SLC25A48: variants seen among roughly 807,000 people sequenced by gnomAD.
The protein encoded by SLC25A48 is CTC-321K16.1.
A neutral mutation model predicts 32.2 loss-of-function variants in SLC25A48; 29 were observed. That is an observed-to-expected ratio of 0.90 (90% confidence interval 0.67 to 1.23). The LOEUF (loss-of-function observed/expected upper bound fraction) is 1.23, where lower values mean the gene tolerates loss of function less well. SLC25A48 is among the 50% of genes most tolerant of loss of function. The pLI is 0.00. For synonymous variants in SLC25A48, 164 were observed against 172.3 expected (o/e 0.95, Z 0.38); for missense variants, 399 against 422.7 (o/e 0.94, Z 0.49).
At chr5:135,799,579 G>A (rs1264969575) in intron 3 of SLC25A48, among the ~76,000 whole-genome samples, 1 of 151,474 alleles carries the variant, frequency 6.6e-6, no homozygotes, top group Non-Finnish European at 1.5e-5. Context: ...TATCCAGGTG[G>A]GGATATGTTA....
intron 1 of SLC25A48, among the ~76,000 whole-genome samples, chr5:135,627,449 C>A (rs938945041): frequency 6.6e-6 from 1 of 152,186 alleles, no homozygotes; most frequent in Non-Finnish European, 1.5e-5. Context: ...TTTCCTTTGA[C>A]CTTCGATCCT....
At chr5:135,685,717 C>G (rs937145517) in intron 3 of SLC25A48, among the ~76,000 whole-genome samples, 1 of 152,236 alleles carries the variant, frequency 6.6e-6, no homozygotes, top group Non-Finnish European at 1.5e-5. Flanking sequence ...AGCCACCGCA[C>G]CCAGCCTATG....
chr5:135,885,126 A>G (rs1762668985), intron 7 of SLC25A48, among the ~76,000 whole-genome samples: 1 of 152,252 alleles, frequency 6.6e-6, no homozygotes, highest in African/African-American at 2.4e-5. Flanking sequence ...AAAAAGACAA[A>G]GTTGTTGGGA....
At chr5:135,837,115 G>A (rs1046872772) in intron 1 of SLC25A48, among the ~76,000 whole-genome samples, 3 of 151,998 alleles carry the variant, frequency 2.0e-5, no homozygotes, top group African/African-American at 4.8e-5. Context: ...ATAAGTGGCA[G>A]GGAGATGTTG....
intron 1 of SLC25A48, among the ~76,000 whole-genome samples, chr5:135,600,306 A>G (rs947121341): frequency 7.2e-5 from 11 of 152,214 alleles, no homozygotes; most frequent in Non-Finnish European, 1.5e-4. Flanking sequence ...TCATCCCTAC[A>G]TTCTCGGCTG....
chr5:135,703,372 T>G (rs1487490523), intron 3 of SLC25A48, among the ~76,000 whole-genome samples: 1 of 152,176 alleles, frequency 6.6e-6, no homozygotes, highest in Non-Finnish European at 1.5e-5. Context: ...TCCCTTTTGT[T>G]TGCAGACAAA....
intron 3 of SLC25A48, among the ~76,000 whole-genome samples, chr5:135,741,611 AC>A (rs1386432694): frequency 1.3e-5 from 2 of 152,054 alleles, no homozygotes; most frequent in Non-Finnish European, 2.9e-5. Flanking sequence ...GGTGGCAAAC[AC>A]CCGTAGTCCC....
Position 135,874,166 on chromosome 5 carries a change from G to C in SLC25A48, c.813+12G>C. 1.4e-6 allele frequency: 2 copies of C among 1,439,334 alleles called. No homozygotes were observed. The highest frequency in any genetic ancestry group is 1.8e-6 in the Non-Finnish European group (2 of 1,104,748). 89.2% of individuals were successfully genotyped at this position (1,439,334 alleles called of 1,614,324 possible). ...AGGAAGGTCTTAAAGTAAGCCCACAGCAGGCCTGCGGGGTCAGTGTCAGTC... is the reference window on the plus strand; with the variant it reads ...AGGAAGGTCTTAAAGTAAGCCCACACCAGGCCTGCGGGGTCAGTGTCAGTC... On this transcript the variant is annotated intron_variant, in intron 6 of 7. Transcript: ENST00000681962.
chr5:135,829,405 C>A (rs1758147518), intron 4 of SLC25A48, among the ~76,000 whole-genome samples: 1 of 152,138 alleles, frequency 6.6e-6, no homozygotes, highest in African/African-American at 2.4e-5. Flanking sequence ...GTCCGCAGAG[C>A]CAGCCTCAAC....
intron 7 of SLC25A48, among the ~76,000 whole-genome samples, chr5:135,887,760 C>T (rs1313786912): frequency 6.6e-6 from 1 of 150,928 alleles, no homozygotes; most frequent in Non-Finnish European, 1.5e-5. Flanking sequence ...TCCAGTTTCA[C>T]GCAGGCCATC....
At chr5:135,709,082 C>T (rs1754591183) in intron 3 of SLC25A48, among the ~76,000 whole-genome samples, 1 of 152,308 alleles carries the variant, frequency 6.6e-6, no homozygotes, top group Non-Finnish European at 1.5e-5. Context: ...TTTTGGTTCA[C>T]ATACTAAAAT....
chr5:135,695,439 C>G (rs1433293047), intron 3 of SLC25A48, among the ~76,000 whole-genome samples: 3 of 152,226 alleles, frequency 2.0e-5, no homozygotes, highest in Non-Finnish European at 4.4e-5. Flanking sequence ...TTCCTGGGAT[C>G]AGATAATTGT....
intron 3 of SLC25A48, among the ~76,000 whole-genome samples, chr5:135,759,916 G>A (rs143741970): frequency 0.024 from 3,483 of 146,700 alleles, 60 homozygotes; most frequent in Non-Finnish European, 0.033. Flanking sequence ...TGCAACCTCC[G>A]CCTCCCAGGT....
In SLC25A48 at chr5:135,689,568, C is replaced by T. The variant is rs557282411; in HGVS notation, c.-521+54612C>T. Among the ~76,000 whole-genome samples the T allele has an allele frequency of 2.6e-5, 4 of 152,196 alleles. No homozygotes were observed. In the East Asian group the frequency reaches 7.7e-4, roughly 29 times the overall value. On this transcript the variant is annotated intron_variant, in intron 3 of 10. Coordinates refer to the SLC25A48 transcript ENST00000646290. ...CAGAGTCCTACAGTAATAGAGGTGC[C>T]TTTTCAAAGATCTATTTTGTGCATT...
At chr5:135,866,510 C>G (rs4976512) in intron 4 of SLC25A48, among the ~76,000 whole-genome samples, 72,555 of 152,088 alleles carry the variant, frequency 0.48, 19,545 homozygotes, top group East Asian at 0.68. Flanking sequence ...GTGTCCAGCC[C>G]AGCTCAGCCC....
At chr5:135,785,440 A>G (rs1165679788) in intron 3 of SLC25A48, among the ~76,000 whole-genome samples, 1 of 148,764 alleles carries the variant, frequency 6.7e-6, no homozygotes, top group African/African-American at 2.5e-5. Context: ...ATGCGGCGGG[A>G]GGTGGAACAC....
At chr5:135,850,621 A>AT in intron 3 of SLC25A48, 125 bp downstream of exon 3, 1 of 824,232 alleles carries the variant, frequency 1.2e-6, no homozygotes, top group Non-Finnish European at 1.9e-6. Context: ...ACTCAGCTTG[A>AT]TTTTCCCTAC....
intron 3 of SLC25A48, among the ~76,000 whole-genome samples, chr5:135,659,642 A>G (rs1416007692): frequency 2.0e-5 from 3 of 152,194 alleles, no homozygotes; most frequent in African/African-American, 7.2e-5. Context: ...TGCTGTAAAT[A>G]ACTACCTGAG....
intron 3 of SLC25A48, among the ~76,000 whole-genome samples, chr5:135,792,870 A>G (rs962750947): frequency 6.6e-6 from 1 of 151,598 alleles, no homozygotes; most frequent in African/African-American, 2.4e-5. Context: ...TCCAGGGGAG[A>G]TATTACTTCT....
Sources: allele counts gnomAD v4.1 joint callset (sites outside exome capture counted in the v4.1 genomes callset), GRCh38; gene constraint gnomAD v4.1.1; transcripts MANE v1.5; gene names NCBI Gene and HGNC (gene_info 2026-07-23, HGNC 2026-07-21).